NLRP2: variants seen among roughly 807,000 people sequenced by gnomAD.
NLRP2 encodes the protein NACHT, LRR and PYD domains-containing protein 2.
A neutral mutation model predicts 97.2 loss-of-function variants in NLRP2; 107 were observed. That is an observed-to-expected ratio of 1.10 (90% CI 0.94 to 1.29). NLRP2 has a LOEUF of 1.29. NLRP2 is among the 50% of genes most tolerant of loss of function. The pLI, the probability that NLRP2 is intolerant of heterozygous loss-of-function variation, is 0.00. For missense variants in NLRP2, 1,495 were observed against 1,330.3 expected (o/e 1.12, Z -1.93); for synonymous variants, 663 against 551.5 (o/e 1.20, Z -2.83).
rs768611449 is a variant in NLRP2 at position 54,986,372 on chromosome 19, T to G, written c.2366+57T>G. ...ATACAAACATAAGCTACCACAAGCTTATGTGGCAATTTTGTGTAAATAAGA... is the reference window on the plus strand; with the variant it reads ...ATACAAACATAAGCTACCACAAGCTGATGTGGCAATTTTGTGTAAATAAGA... On this transcript the variant is annotated intron_variant, in intron 8 of 12. Coordinates refer to ENST00000448584, the MANE Select transcript of NLRP2 (RefSeq NM_017852.5). 34 of 1,521,606 alleles carry G rather than the reference T, an allele frequency of 2.2e-5. No individual in the cohort carries two copies. In the Middle Eastern group the frequency reaches 5.1e-4, roughly 23 times the overall value. The allele number at this position is 1,521,606 out of a possible 1,614,324, so 94.3% of individuals were successfully genotyped here.
rs1212539200 is a variant in NLRP2, at chr19:55,001,007, C to A, written c.*109C>A. On this transcript the variant is annotated 3_prime_UTR_variant, in exon 13 of 13. Transcript: ENST00000448584. ...CCCTACCCCTCAGGGATAATGAGTT[C>A]ATTGCTGGGCTAGATGTTTTAGCCA... The A allele has an allele frequency of 3.2e-6, 3 of 943,590 alleles. No individual in the cohort carries two copies. The highest frequency in any genetic ancestry group is 5.1e-6 in the Non-Finnish European group (3 of 587,434). 58.5% of individuals were successfully genotyped at this position (943,590 alleles called of 1,614,324 possible). A position where few individuals can be genotyped will look rare whatever the true frequency, so the allele number is the denominator to read the frequency against.
chr19:54,968,914 G>T (rs2070663458), intron 1 of NLRP2, among the ~76,000 whole-genome samples: 1 of 151,238 alleles, frequency 6.6e-6, no homozygotes. Flanking sequence ...TGTTAGCCAG[G>T]ATGGTCTCGA....
At chr19:54,994,671 C>T (rs1367662709) in intron 11 of NLRP2, among the ~76,000 whole-genome samples, 8 of 151,310 alleles carry the variant, frequency 5.3e-5, no homozygotes, top group African/African-American at 1.9e-4. Context: ...AGTGCAGTGG[C>T]GTGATCTTGG....
intron 4 of NLRP2, 109 bp from the exon 5 acceptor site, chr19:54,981,508 T>TTCCCCCCCCCCCCCCC: frequency 2.3e-6 from 1 of 438,150 alleles, no homozygotes; most frequent in Non-Finnish European, 4.6e-6. Context: ...TCTGATCCCG[T>TTCCCCCCCCCCCCCCC]GCCCCCCCTC....
chr19:54,996,037 C>CAAAAAAAAA (rs544759995), intron 11 of NLRP2, among the ~76,000 whole-genome samples: 85 of 73,306 alleles, frequency 1.2e-3, no homozygotes, highest in African/African-American at 4.3e-3. Flanking sequence ...GATCCTGTCT[C>CAAAAAAAAA]AAAAAAAAAA....
At chr19:54,976,717 C>A in intron 3 of NLRP2, 1 of 408,870 alleles carries the variant, frequency 2.4e-6, no homozygotes, top group Non-Finnish European at 4.7e-6. Context: ...CCAGTTCCCT[C>A]CCCAGCATCT....
Position 54,990,747 on chromosome 19 carries a change from G to A in NLRP2, c.2708+75G>A, listed in dbSNP as rs907411203. 15 of 1,476,274 alleles carry A rather than the reference G, an allele frequency of 1.0e-5. No individual in the cohort carries two copies. In the Admixed American group the frequency reaches 1.9e-4, roughly 18 times the overall value. The allele number at this position is 1,476,274 out of a possible 1,614,324, so 91.4% of individuals were successfully genotyped here. A position where few individuals can be genotyped will look rare whatever the true frequency, so the allele number is the denominator to read the frequency against. ...CCCACCTCCGGGTTTGAGTAGGGTG[G>A]TTATGAGAACACTTAATTCCTCTAA... On this transcript the variant is annotated intron_variant, in intron 10 of 12. Transcript: ENST00000448584.
At chr19:54,995,166 C>T (rs1213573033) in intron 11 of NLRP2, among the ~76,000 whole-genome samples, 4 of 145,944 alleles carry the variant, frequency 2.7e-5, no homozygotes, top group East Asian at 2.1e-4. Context: ...AAAAATTAGC[C>T]GAGCATAGTA....
At chr19:54,988,190 A>G (rs531780063) in intron 8 of NLRP2, among the ~76,000 whole-genome samples, 3 of 152,324 alleles carry the variant, frequency 2.0e-5, no homozygotes, top group African/African-American at 4.8e-5. Context: ...AGTGGCTGCT[A>G]TCATTACTAA....
At chr19:54,996,554 G>A (rs985804669) in intron 11 of NLRP2, among the ~76,000 whole-genome samples, 1 of 152,108 alleles carries the variant, frequency 6.6e-6, no homozygotes, top group East Asian at 1.9e-4. Context: ...AAAAGCCTCA[G>A]TGCTTCCCTA....
intron 1 of NLRP2, among the ~76,000 whole-genome samples, chr19:54,969,514 G>A (rs1568461670): frequency 6.6e-6 from 1 of 151,830 alleles, no homozygotes; most frequent in Non-Finnish European, 1.5e-5. Context: ...AAGTAGCTGA[G>A]CGTGGTGGTG....
chr19:54,977,908 A>G, intron 4 of NLRP2, 85 bp downstream of exon 4: 1 of 1,208,590 alleles, frequency 8.3e-7, no homozygotes, highest in South Asian at 1.2e-5. Context: ...GAAGAACCCC[A>G]TCTCTCTCCA....
chr19:54,970,208 A>G lies in NLRP2; in HGVS notation c.193A>G (p.Ser65Gly). ...LVEILTTHCD[S>G]YWVEMASLQV... Reference sequence around the variant, plus strand: ...AGAAATCCTCACCACCCATTGTGACAGCTACTGGGTGGAGATGGCGAGCCT... The same window carrying G: ...AGAAATCCTCACCACCCATTGTGACGGCTACTGGGTGGAGATGGCGAGCCT... The change falls in exon 2 of 13, where the codon AGC (serine) becomes GGC (glycine). Residue 65 changes from serine to glycine, a missense_variant. Physicochemically the swap from Ser to Gly is moderately conservative, Grantham distance 56. Transcript: ENST00000448584. The G allele has an allele frequency of 6.2e-7, 1 of 1,614,124 alleles. No individual in the cohort carries two copies. The highest frequency in any genetic ancestry group is 2.2e-5 in the East Asian group (1 of 44,880).
chr19:54,992,573 G>T (rs374707348), intron 10 of NLRP2, among the ~76,000 whole-genome samples: 1,438 of 48,002 alleles, frequency 0.03, no homozygotes, highest in African/African-American at 0.051. Context: ...TTTTTTTTTT[G>T]GTTTTTTTTT....
intron 4 of NLRP2, among the ~76,000 whole-genome samples, chr19:54,978,128 G>A (rs981249960): frequency 1.8e-4 from 27 of 151,952 alleles, no homozygotes; most frequent in African/African-American, 2.4e-4. Flanking sequence ...GCGCGATCTC[G>A]GCTCACTGTA....
chr19:54,990,282 C>T (rs573086965), intron 9 of NLRP2, 90 bp downstream of exon 9: 188 of 1,375,518 alleles, frequency 1.4e-4, no homozygotes, highest in Non-Finnish European at 1.8e-4. Flanking sequence ...TGTATGGAAC[C>T]TCTCGCTGAT....
Position 54,983,105 on chromosome 19 carries a change from T to G in NLRP2, c.1407T>G (p.Asp469Glu). 1 of 1,613,146 alleles carries G rather than the reference T, an allele frequency of 6.2e-7. No homozygotes were observed. Among genetic ancestry groups the G allele is most frequent in the Non-Finnish European group, 8.5e-7 (1 of 1,179,880 alleles). Reference protein sequence around the residue: ...WAQTSVLHREDLERLGVQESD... With the variant: ...WAQTSVLHREELERLGVQESD... ...AGACGTCCGTGCTTCACCGAGAGGA[T>G]CTGGAAAGGCTCGGGGTGCAGGAGT... The change falls in exon 6 of 13, where the codon GAT becomes GAG. Residue 469 changes from aspartate to glutamate, a missense_variant. Asp to Glu is a conservative substitution (Grantham distance 45). Transcript: ENST00000448584.
chr19:54,997,367 C>G lies in NLRP2; in HGVS notation c.2930C>G (p.Ala977Gly). 6.2e-7 allele frequency: 1 copy of G among 1,614,132 alleles called. No homozygotes were observed. The highest frequency in any genetic ancestry group is 8.5e-7 in the Non-Finnish European group (1 of 1,179,992). The change falls in exon 12 of 13, where the codon GCC becomes GGC. Residue 977 changes from alanine (A) to glycine (G), a missense_variant. Physicochemically the swap from Ala to Gly is moderately conservative, Grantham distance 60 (BLOSUM62 0). Transcript: ENST00000448584. ...TTCAGTTGTGAAGACCTCTGCTCTGCCCTCAGCTGCAACCAGAGCCTCGTC... is the reference window on the plus strand; with the variant it reads ...TTCAGTTGTGAAGACCTCTGCTCTGGCCTCAGCTGCAACCAGAGCCTCGTC... ...PPFSCEDLCSALSCNQSLVTL... is the reference protein window; with the variant it reads ...PPFSCEDLCSGLSCNQSLVTL...
At chr19:54,971,302 A>G (rs996292805) in intron 2 of NLRP2, among the ~76,000 whole-genome samples, 10 of 150,310 alleles carry the variant, frequency 6.7e-5, no homozygotes, top group African/African-American at 1.9e-4. Flanking sequence ...GTGTCTTTAT[A>G]GCAGCATGAT....
Sources: allele counts gnomAD v4.1 joint callset (sites outside exome capture counted in the v4.1 genomes callset), GRCh38; gene constraint gnomAD v4.1.1; transcripts MANE v1.5; gene names NCBI Gene and HGNC (gene_info 2026-07-23, HGNC 2026-07-21).